The following CALCR variants were observed in gnomAD, a reference collection of about 807,000 sequenced individuals.
CALCR encodes calcitonin receptor.
In CALCR, 47 loss-of-function variants were observed where a neutral mutation model predicts 59.5. The observed-to-expected ratio is 0.79, with a 90% CI of 0.63 to 1.01. The LOEUF (loss-of-function observed/expected upper bound fraction) is 1.01. Ranked by LOEUF, CALCR falls within the 50% of genes least tolerant of loss-of-function variation. The pLI is 0.00. For missense variants in CALCR, 566 were observed against 597.1 expected (o/e 0.95, Z 0.54); for synonymous variants, 213 against 211.3 (o/e 1.01, Z -0.07).
rs777956235 is a variant in CALCR at position 93,426,404 on chromosome 7, A to C, written c.1377T>G (p.Ser459Arg). ...TGATATTCAAAGGGATGATCTCAGC[A>C]CTCTCCTCGCCTTGGTTGTTGGCTG... is the stretch of plus-strand genomic sequence containing the variant. ...NEPANNQGEE[S>R]AEIIPLNIIE... is the part of the protein sequence containing the mutation. The change falls in exon 14 of 14, where the codon AGT (serine) becomes AGG (arginine). Residue 459 changes from serine (S) to arginine (R), a missense_variant. By Grantham distance (110) the Ser-to-Arg change is moderately radical. Transcript: ENST00000426151. 22 of 1,613,402 alleles carry C rather than the reference A, an allele frequency of 1.4e-5. No homozygotes were observed. Among genetic ancestry groups the C allele is most frequent in the Non-Finnish European group, 1.9e-5 (22 of 1,179,594 alleles).
intron 8 of CALCR, among the ~76,000 whole-genome samples, chr7:93,453,321 T>C (rs1174203013): frequency 6.6e-6 from 1 of 152,066 alleles, no homozygotes; most frequent in African/African-American, 2.4e-5. Flanking sequence ...CTCCATTTTA[T>C]ACATTAGGAA....
chr7:93,555,623 A>G (rs527643571), intron 2 of CALCR, among the ~76,000 whole-genome samples: 1 of 152,190 alleles, frequency 6.6e-6, no homozygotes, highest in Non-Finnish European at 1.5e-5. Context: ...ATCAAATGGG[A>G]AACATTGAAT....
At chr7:93,436,983 C>G (rs1799792595) in intron 11 of CALCR, among the ~76,000 whole-genome samples, 1 of 151,636 alleles carries the variant, frequency 6.6e-6, no homozygotes, top group South Asian at 2.1e-4. Context: ...TGAGAAAAAT[C>G]AACTATTAAG....
chr7:93,511,120 T>A (rs907383771), intron 2 of CALCR, among the ~76,000 whole-genome samples: 1 of 152,050 alleles, frequency 6.6e-6, no homozygotes, highest in Non-Finnish European at 1.5e-5. Context: ...TATTCACATA[T>A]GCATATATAT....
rs1398071839 is a variant in CALCR at position 93,489,955 on chromosome 7, AAAG to A, written c.-26-2951_-26-2949del. On this transcript the variant is annotated intron_variant, in intron 2 of 13. Coordinates refer to ENST00000426151, the MANE Select transcript of CALCR (RefSeq NM_001742.4). ...ACCAAATCCGGGCAGAGACACAACA[AAAG>A]AAGAACACTTCAGGCCAATATCCCT... Among the ~76,000 whole-genome samples, 8 of 152,118 alleles carry A rather than the reference AAAG, an allele frequency of 5.3e-5. No homozygotes were observed. In the East Asian group the frequency reaches 1.4e-3, roughly 26 times the overall value.
chr7:93,505,591 C>T (rs754195945), intron 2 of CALCR, among the ~76,000 whole-genome samples: 1 of 152,164 alleles, frequency 6.6e-6, no homozygotes, highest in Non-Finnish European at 1.5e-5. Context: ...GTCTTCTCAA[C>T]CCTGTCTCCT....
rs1225342725 is a variant in CALCR, at chr7:93,436,111, G to A, written c.990C>T (p.Thr330=). 7.4e-6 allele frequency: 12 copies of A among 1,613,982 alleles called. No homozygotes were observed. Among genetic ancestry groups the A allele is most frequent in the Non-Finnish European group, 1.0e-5 (12 of 1,180,004 alleles). Reference sequence around the variant, plus strand: ...GGTACATGTGGGATTCCGCCTCATGGGTTTCCCTCATTTTGGTCACAAGCA... The same window carrying A: ...GGTACATGTGGGATTCCGCCTCATGAGTTTCCCTCATTTTGGTCACAAGCA... ...VRVLVTKMRE[T]HEAESHMYLK... is the part of the protein sequence containing the mutation. Residue 330 remains threonine, a synonymous_variant, in exon 12 of 14, where the codon ACC becomes ACT. Transcript: ENST00000426151.
In CALCR at chr7:93,558,862, C is replaced by G. The variant is rs554128903; in HGVS notation, c.-27+15427G>C. Among the ~76,000 whole-genome samples the G allele has an allele frequency of 5.3e-5, 8 of 152,168 alleles. No individual in the cohort carries two copies. In the East Asian group the frequency reaches 1.5e-3, roughly 29 times the overall value. On this transcript the variant is annotated intron_variant, in intron 2 of 13. Transcript: ENST00000426151. ...GCTTGACCAACAGCAACAAAATGACCTGAGAACTTACTAGAAATGCAAATC... is the reference window on the plus strand; with the variant it reads ...GCTTGACCAACAGCAACAAAATGACGTGAGAACTTACTAGAAATGCAAATC...
At position 93,438,243 on chromosome 7, in the gene CALCR, T is replaced by A; in HGVS notation, c.830A>T (p.His277Leu). Residue 277 changes from histidine (H) to leucine (L), a missense_variant, in exon 10 of 14, where the codon CAT becomes CTT. Coordinates refer to ENST00000426151, the MANE Select transcript of CALCR (RefSeq NM_001742.4). Reference protein sequence around the residue: ...WGFPLVPTTIHAITRAVYFND... With the variant: ...WGFPLVPTTILAITRAVYFND... ...GAAGTACACGGCCCTGGTAATAGCA[T>A]GGATAGTGGTTGGCACCAGCGGGAA... 6.2e-7 allele frequency: 1 copy of A among 1,613,768 alleles called. No homozygotes were observed. The highest frequency in any genetic ancestry group is 8.5e-7 in the Non-Finnish European group (1 of 1,179,646).
At chr7:93,456,349 T>C (rs1286107031) in intron 8 of CALCR, among the ~76,000 whole-genome samples, 2 of 152,124 alleles carry the variant, frequency 1.3e-5, no homozygotes, top group Admixed American at 1.3e-4. Context: ...TGGCTTGTTT[T>C]CATTTTGTCT....
chr7:93,448,316 T>C (rs2115748939), intron 8 of CALCR, among the ~76,000 whole-genome samples: 1 of 152,146 alleles, frequency 6.6e-6, no homozygotes, highest in African/African-American at 2.4e-5. Context: ...TTTTGTGAGA[T>C]GTTTTAGTTT....
At chr7:93,540,549 G>A (rs1789105127) in intron 2 of CALCR, among the ~76,000 whole-genome samples, 1 of 151,910 alleles carries the variant, frequency 6.6e-6, no homozygotes, top group Non-Finnish European at 1.5e-5. Context: ...AGTGCCCAAT[G>A]GCAATCAGTA....
At position 93,568,509 on chromosome 7, in the gene CALCR, T is replaced by TTCTCTCTCTCTCTCTC. The variant is rs4015269; in HGVS notation, c.-27+5764_-27+5779dup. Among the ~76,000 whole-genome samples, 221 of 102,400 alleles carry TTCTCTCTCTCTCTCTC rather than the reference T, an allele frequency of 2.2e-3. 13 individuals are homozygous for TTCTCTCTCTCTCTCTC. Among genetic ancestry groups the TTCTCTCTCTCTCTCTC allele is most frequent in the East Asian group, 0.013 (37 of 2,754 alleles). 67.2% of individuals were successfully genotyped at this position (102,400 alleles called of 152,430 possible). ...CCTCCCTGGTTTCCATAAAATTACT[T>TTCTCTCTCTCTCTCTC]TCTCTCTCTCTCTCTCTCTCTCTCT... On this transcript the variant is annotated intron_variant, in intron 2 of 13. Coordinates refer to ENST00000426151, the MANE Select transcript of CALCR (RefSeq NM_001742.4).
At chr7:93,489,595 C>A (rs1182367339) in intron 2 of CALCR, among the ~76,000 whole-genome samples, 2 of 151,576 alleles carry the variant, frequency 1.3e-5, no homozygotes, top group Non-Finnish European at 3.0e-5. Context: ...TCATCACTGA[C>A]CCCACAGAAA....
chr7:93,445,950 G>C (rs368654183), intron 8 of CALCR, among the ~76,000 whole-genome samples: 8 of 151,988 alleles, frequency 5.3e-5, no homozygotes, highest in Admixed American at 5.3e-4. Flanking sequence ...ACATTTGTTC[G>C]TAGTATGAGA....
intron 8 of CALCR, among the ~76,000 whole-genome samples, chr7:93,449,856 T>C (rs1490074523): frequency 6.6e-6 from 1 of 151,956 alleles, no homozygotes. Flanking sequence ...TTTTGTCAAG[T>C]TTTTCTAGGT....
In CALCR at chr7:93,528,433, C is replaced by G. The variant is rs574649684; in HGVS notation, c.-26-41426G>C. Among the ~76,000 whole-genome samples the G allele has an allele frequency of 2.0e-5, 3 of 152,282 alleles. No individual in the cohort carries two copies. The South Asian group carries it at 6.2e-4, about 32-fold the overall frequency. On this transcript the variant is annotated intron_variant, in intron 2 of 13. Transcript: ENST00000426151. ...CTAATGCTATCCCTCCCCTCTTCCC[C>G]CAGCCCACAACAGGCCCCGGTGTGT...
At chr7:93,567,534 A>G (rs1180687754) in intron 2 of CALCR, among the ~76,000 whole-genome samples, 1 of 149,630 alleles carries the variant, frequency 6.7e-6, no homozygotes, top group East Asian at 1.9e-4. Context: ...TTATCTATGC[A>G]AATTTTTTTT....
chr7:93,502,820 T>C (rs538813271), intron 2 of CALCR, among the ~76,000 whole-genome samples: 2 of 152,254 alleles, frequency 1.3e-5, no homozygotes, highest in South Asian at 2.1e-4. Flanking sequence ...TTTTGGTATG[T>C]TATTACTTTA....
Sources: allele counts gnomAD v4.1 joint callset (sites outside exome capture counted in the v4.1 genomes callset), GRCh38; gene constraint gnomAD v4.1.1; transcripts MANE v1.5; gene names NCBI Gene and HGNC (gene_info 2026-07-23, HGNC 2026-07-21).